Variants in BRCA1 observed in about 807,000 individuals in gnomAD.
The protein encoded by BRCA1 is BRCA1 DNA repair associated.
Under a neutral mutation model 173.7 loss-of-function variants are expected in BRCA1, and 140 were observed. That is an observed-to-expected ratio of 0.81 (90% confidence interval 0.70 to 0.93). The LOEUF is 0.93. BRCA1 is among the 40% of genes least tolerant of loss of function. The pLI is 0.00. For synonymous variants in BRCA1, 662 were observed against 756.0 expected (o/e 0.88, Z 2.04); for missense variants, 1,983 against 2,172.5 (o/e 0.91, Z 1.73).
At chr17:43,057,334 A>G (rs2051544140) in intron 18 of BRCA1, among the ~76,000 whole-genome samples, 199 bp from the exon 19 acceptor site, 1 of 151,940 alleles carries the variant, frequency 6.6e-6, no homozygotes, top group South Asian at 2.1e-4. Context: ...ACATGGTGAA[A>G]CCTCATCTCT....
Position 43,045,740 on chromosome 17 carries a change from G to T in BRCA1, c.5530C>A (p.Leu1844Ile), listed in dbSNP as rs1471435242. The T allele has an allele frequency of 2.5e-6, 4 of 1,613,956 alleles. No homozygotes were observed. The African/African-American group carries it at 5.3e-5, about 22-fold the overall frequency. ...TREWVLDSVA[L>I]YQCQELDTYL... ...GTGTCCAGCTCCTGGCACTGGTAGA[G>T]TGCTACACTGTCCAACACCCACTCT... The change falls in exon 23 of 23, where the codon CTC becomes ATC. Residue 1844 changes from leucine (L) to isoleucine (I), a missense_variant. Leu to Ile is a conservative substitution (Grantham distance 5, BLOSUM62 2). Coordinates refer to ENST00000357654, the MANE Select transcript of BRCA1 (RefSeq NM_007294.4).
At position 43,092,641 on chromosome 17, in the gene BRCA1, C is replaced by T. The variant is rs879254027; in HGVS notation, c.2890G>A (p.Gly964Arg). 1 of 1,613,948 alleles carries T rather than the reference C, an allele frequency of 6.2e-7. No individual in the cohort carries two copies. The highest frequency in any genetic ancestry group is 8.5e-7 in the Non-Finnish European group (1 of 1,179,986). The change falls in exon 10 of 23, where the codon GGA becomes AGA. Residue 964 changes from glycine to arginine, a missense_variant. Transcript: ENST00000357654. ...LSSQFRGNETGLITPNKHGLL... is the reference protein window; with the variant it reads ...LSSQFRGNETRLITPNKHGLL... ...CCATGTTTATTTGGAGTAATGAGTC[C>T]AGTTTCGTTGCCTCTGAACTGAGAT...
At chr17:43,068,385 C>T (rs1397252037) in intron 15 of BRCA1, among the ~76,000 whole-genome samples, 1 of 150,984 alleles carries the variant, frequency 6.6e-6, no homozygotes, top group Non-Finnish European at 1.5e-5. Flanking sequence ...ATATTATAAA[C>T]CTACTACGTA....
intron 18 of BRCA1, among the ~76,000 whole-genome samples, chr17:43,057,807 G>T (rs899589901): frequency 7.2e-5 from 11 of 151,974 alleles, no homozygotes; most frequent in African/African-American, 2.4e-4. Context: ...CTGCACTCCA[G>T]CCTGGGCAAC....
chr17:43,082,265 A>G, intron 12 of BRCA1, 139 bp downstream of exon 12: 1 of 987,472 alleles, frequency 1.0e-6, no homozygotes, highest in Admixed American at 2.3e-5. Context: ...AGCAGGGACA[A>G]GAACCAAGGC....
At chr17:43,088,903 A>G (rs551423678) in intron 11 of BRCA1, among the ~76,000 whole-genome samples, 1 of 152,336 alleles carries the variant, frequency 6.6e-6, no homozygotes, top group South Asian at 2.1e-4. Context: ...CAAAGAACCA[A>G]CCTAATTATT....
At chr17:43,133,326 A>G (rs2055986833) in intron 1 of BRCA1, among the ~76,000 whole-genome samples, 1 of 152,158 alleles carries the variant, frequency 6.6e-6, no homozygotes, top group African/African-American at 2.4e-5. Context: ...TTAGGTCCTC[A>G]GTGGTGAGGG....
At chr17:43,125,551 G>A, upstream of BRCA1, 1 of 308,130 alleles carries the variant, frequency 3.2e-6, no homozygotes, top group South Asian at 2.8e-5. Context: ...CACCCAGTCT[G>A]CCCCCGGATG....
intron 13 of BRCA1, among the ~76,000 whole-genome samples, chr17:43,076,130 G>A (rs1294929721): frequency 1.3e-5 from 2 of 151,822 alleles, no homozygotes; most frequent in Non-Finnish European, 2.9e-5. Flanking sequence ...ATTTTCTGTG[G>A]TAAATCAACA....
chr17:43,077,484 C>T (rs2052789845), intron 12 of BRCA1, among the ~76,000 whole-genome samples: 1 of 152,038 alleles, frequency 6.6e-6, no homozygotes, highest in African/African-American at 2.4e-5. Context: ...GTGCCTGCCA[C>T]CACGCCCAGC....
chr17:43,049,226 C>T (rs1344773206), intron 20 of BRCA1, 32 bp from the exon 21 acceptor site: 2 of 1,595,536 alleles, frequency 1.3e-6, no homozygotes, highest in Non-Finnish European at 1.7e-6. Flanking sequence ...AAAATCACTG[C>T]AGTAATCTGC....
chr17:43,144,985 A>C, intron 1 of BRCA1: 1 of 650,932 alleles, frequency 1.5e-6, no homozygotes, highest in Non-Finnish European at 3.0e-6. Flanking sequence ...GCTCCACCGA[A>C]GGGGCTGCCA....
At chr17:43,128,321 G>A (rs1327795547), upstream of BRCA1, among the ~76,000 whole-genome samples, 1 of 152,104 alleles carries the variant, frequency 6.6e-6, no homozygotes, top group African/African-American at 2.4e-5. Context: ...AACACTCACC[G>A]CAAAGGTCTG....
rs2050874260 is a variant in BRCA1 at position 43,045,751 on chromosome 17, T to C, written c.5519A>G (p.Asp1840Gly). ...APVVTREWVL[D>G]SVALYQCQEL... ...CTGGCACTGGTAGAGTGCTACACTGTCCAACACCCACTCTCGGGTCACCAC... is the reference window on the plus strand; with the variant it reads ...CTGGCACTGGTAGAGTGCTACACTGCCCAACACCCACTCTCGGGTCACCAC... The change falls in exon 23 of 23, where the codon GAC becomes GGC. Residue 1840 changes from aspartate (D) to glycine (G), a missense_variant. Asp to Gly is a moderately conservative substitution (Grantham distance 94, BLOSUM62 -1). Transcript: ENST00000357654. 1 of 1,614,078 alleles carries C rather than the reference T, an allele frequency of 6.2e-7. No individual in the cohort carries two copies. The highest frequency in any genetic ancestry group is 8.5e-7 in the Non-Finnish European group (1 of 1,180,012).
upstream of BRCA1, among the ~76,000 whole-genome samples, chr17:43,126,752 C>T (rs1446242787): frequency 1.3e-5 from 2 of 150,462 alleles, no homozygotes. Context: ...CTGGAGGAGC[C>T]CTTCAGCCCG....
intron 9 of BRCA1, 142 bp downstream of exon 9, chr17:43,095,704 G>T: frequency 1.4e-6 from 1 of 739,254 alleles, no homozygotes; most frequent in Non-Finnish European, 2.4e-6. Context: ...CACGACATTT[G>T]ACAGAGAATG....
chr17:43,109,195 C>T (rs1330015778), intron 3 of BRCA1, among the ~76,000 whole-genome samples: 1 of 152,028 alleles, frequency 6.6e-6, no homozygotes, highest in Non-Finnish European at 1.5e-5. Context: ...TGTGGTTTCA[C>T]TATATTGCCC....
At chr17:43,104,457 TAC>T (rs1290077001) in intron 5 of BRCA1, among the ~76,000 whole-genome samples, 196 bp from the exon 6 acceptor site, 2 of 152,130 alleles carry the variant, frequency 1.3e-5, no homozygotes, top group African/African-American at 4.8e-5. Context: ...CAAAAACAAA[TAC>T]ACAGACCATC....
At position 43,050,985 on chromosome 17, in the gene BRCA1, G is replaced by T. The variant is rs273901763; in HGVS notation, c.5332+78C>A. Reference sequence around the variant, plus strand: ...TTCAGCAATCTGAGGAACCCCCATCGTGGGATCTTGCTTATAATACTCCAC... The same window carrying T: ...TTCAGCAATCTGAGGAACCCCCATCTTGGGATCTTGCTTATAATACTCCAC... On this transcript the variant is annotated intron_variant, in intron 20 of 22. Coordinates refer to ENST00000357654, the MANE Select transcript of BRCA1 (RefSeq NM_007294.4). The T allele has an allele frequency of 1.4e-6, 2 of 1,410,956 alleles. No homozygotes were observed. 87.4% of individuals were successfully genotyped at this position (1,410,956 alleles called of 1,614,324 possible).
Sources: gnomAD v4.1 joint callset for allele counts (sites outside exome capture counted in the v4.1 genomes callset) on GRCh38, gnomAD v4.1.1 for gene constraint, MANE v1.5 for transcripts, NCBI Gene and HGNC (gene_info 2026-07-23, HGNC 2026-07-21) for gene names.